NCSTN: variants seen among roughly 807,000 people sequenced by gnomAD.
NCSTN encodes anterior pharynx-defective 2.
In NCSTN, 22 loss-of-function variants were observed where a neutral mutation model predicts 87.0. The ratio of observed to expected loss-of-function variants is 0.25; its 90% CI spans 0.18 to 0.36. The LOEUF is 0.36. NCSTN is among the 10% of genes least tolerant of loss of function. The pLI, the probability that NCSTN is intolerant of heterozygous loss-of-function variation, is 1.00. For synonymous variants in NCSTN, 306 were observed against 327.1 expected, an observed-to-expected ratio of 0.94 and a Z score of 0.69; for missense variants, 693 against 883.3, an observed-to-expected ratio of 0.78 and a Z score of 2.73.
Position 160,356,359 on chromosome 1 carries a change from G to A in NCSTN, c.1639+12G>A, listed in dbSNP as rs1048237763. The A allele has an allele frequency of 1.3e-6, 2 of 1,585,172 alleles. No homozygotes were observed. The highest frequency in any genetic ancestry group is 1.7e-6 in the Non-Finnish European group (2 of 1,153,580). On this transcript the variant is annotated intron_variant, in intron 14 of 16. Coordinates refer to ENST00000294785, the MANE Select transcript of NCSTN (RefSeq NM_015331.3). ...AAGGTCCTACTTGGGTAAGCATCTG[G>A]TGTGGGAATGGGACCCTTAGCTGAG... is the stretch of plus-strand genomic sequence containing the variant.
intron 4 of NCSTN, 22 bp from the exon 5 acceptor site, chr1:160,350,082 CT>C (rs779723148): frequency 9.9e-6 from 16 of 1,613,112 alleles, no homozygotes; most frequent in East Asian, 2.2e-5. Context: ...ACCAGTCCCC[CT>C]ATTCCCCATC....
At chr1:160,351,179 T>A in intron 5 of NCSTN, 43 bp from the exon 6 acceptor site, 1 of 1,611,346 alleles carries the variant, frequency 6.2e-7, no homozygotes, top group Non-Finnish European at 8.5e-7. Context: ...AGGGAGGGCC[T>A]CCACAAACTA....
chr1:160,343,788 A>G (rs766945243), intron 1 of NCSTN: 1 of 628,458 alleles, frequency 1.6e-6, no homozygotes, highest in South Asian at 1.5e-5. Flanking sequence ...CCCACCCCAC[A>G]GTCGAAAGGA....
chr1:160,355,188 A>G (rs1030567236), intron 11 of NCSTN, among the ~76,000 whole-genome samples: 6 of 152,192 alleles, frequency 3.9e-5, no homozygotes, highest in African/African-American at 1.2e-4. Context: ...AAGGATCATC[A>G]TGGTGATTTT....
chr1:160,346,511 T>G (rs762388665), intron 2 of NCSTN, among the ~76,000 whole-genome samples: 7 of 152,220 alleles, frequency 4.6e-5, no homozygotes, highest in Non-Finnish European at 1.0e-4. Context: ...TGAGCTATAG[T>G]ATCTGTTAAT....
In NCSTN at chr1:160,349,651, G is replaced by T. The variant is rs1178436994; in HGVS notation, c.417G>T (p.Gln139His). 1 of 1,614,048 alleles carries T rather than the reference G, an allele frequency of 6.2e-7. No individual in the cohort carries two copies. The highest frequency in any genetic ancestry group is 8.5e-7 in the Non-Finnish European group (1 of 1,180,024). ...SPASGFSPSV[Q>H]CPNDGFGVYS... The stretch of plus-strand genomic sequence containing the variant: ...CCTCAGGCTTCTCTCCTAGTGTACA[G>T]TGCCCAAATGATGGGTTTGGTAAGT... Residue 139 changes from glutamine to histidine, a missense_variant, in exon 4 of 17, where the codon CAG becomes CAT. Gln to His is a conservative substitution (Grantham distance 24). Around this residue, in one of 4 missense-constraint regions of NCSTN, gnomAD observed 235 missense variants for 233.9 expected, o/e 1.00. Transcript: ENST00000294785.
At position 160,354,253 on chromosome 1, in the gene NCSTN, G is replaced by C. The variant is rs144264818; in HGVS notation, c.1315G>C (p.Val439Leu). 1.9e-6 allele frequency: 3 copies of C among 1,614,042 alleles called. No homozygotes were observed. The African/African-American group carries it at 4.0e-5, about 22-fold the overall frequency. ...RFLRARNISG[V>L]VLADHSGAFH... is the part of the protein sequence containing the mutation. ...TCTTCGAGCTCGAAACATCTCTGGC[G>C]TTGTTCTGGCTGACCACTCTGGTGC... Residue 439 changes from valine to leucine, a missense_variant, in exon 11 of 17, where the codon GTT becomes CTT. Val to Leu is a conservative substitution (Grantham distance 32). Coordinates refer to ENST00000294785, the MANE Select transcript of NCSTN (RefSeq NM_015331.3).
intron 7 of NCSTN, 56 bp downstream of exon 7, chr1:160,351,861 G>T (rs1480247487): frequency 6.7e-7 from 1 of 1,488,310 alleles, no homozygotes; most frequent in African/African-American, 1.4e-5. Context: ...GAGCTGGTAG[G>T]CCCCGCTCTA....
Position 160,343,386 on chromosome 1 carries a change from A to G in NCSTN, c.-11A>G, listed in dbSNP as rs200377959. The G allele has an allele frequency of 1.5e-5, 24 of 1,612,934 alleles. No individual in the cohort carries two copies. Among genetic ancestry groups the G allele is most frequent in the Admixed American group, 5.0e-5 (3 of 59,928 alleles). ...AGCCGAACGGGGGCTTCCGCTCAGC[A>G]GAGAGGCAAGATGGCTACGGCAGGG... On this transcript the variant is annotated 5_prime_UTR_variant, in exon 1 of 17. Coordinates refer to ENST00000294785, the MANE Select transcript of NCSTN (RefSeq NM_015331.3).
At chr1:160,353,918 C>G (rs533832600) in intron 10 of NCSTN, among the ~76,000 whole-genome samples, 200 bp from the exon 11 acceptor site, 53 of 152,254 alleles carry the variant, frequency 3.5e-4, no homozygotes, top group African/African-American at 1.2e-3. Context: ...CCCCAATTTT[C>G]TAACTCTAAA....
At chr1:160,348,639 TGA>T (rs1362046737) in intron 2 of NCSTN, among the ~76,000 whole-genome samples, 1 of 152,256 alleles carries the variant, frequency 6.6e-6, no homozygotes, top group Non-Finnish European at 1.5e-5. Context: ...GCTAAAACCC[TGA>T]GCTAGAGATT....
Position 160,358,430 on chromosome 1 carries a change from A to G in NCSTN, c.*159A>G. 2.0e-6 allele frequency: 2 copies of G among 978,166 alleles called. No individual in the cohort carries two copies. Among genetic ancestry groups the G allele is most frequent in the Non-Finnish European group, 3.1e-6 (2 of 638,048 alleles). 60.6% of individuals were successfully genotyped at this position (978,166 alleles called of 1,614,324 possible). The stretch of plus-strand genomic sequence containing the variant: ...AACTATCCAAAAGAGACAGGGAGAA[A>G]TAAATAAATTGCCTCCCTTCCTCCG... On this transcript the variant is annotated 3_prime_UTR_variant, in exon 17 of 17. Transcript: ENST00000294785.
intron 5 of NCSTN, 62 bp from the exon 6 acceptor site, chr1:160,351,160 T>C (rs1648815099): frequency 2.5e-6 from 4 of 1,578,704 alleles, no homozygotes; most frequent in Non-Finnish European, 3.5e-6. Context: ...CTCCTCCTTC[T>C]GGGATGTAAG....
chr1:160,357,274 AG>A (rs773104515), intron 16 of NCSTN, 21 bp downstream of exon 16: 3 of 1,596,220 alleles, frequency 1.9e-6, no homozygotes, highest in Non-Finnish European at 2.6e-6. Flanking sequence ...GCAGGGGCAT[AG>A]GTGGCAGGGA....
At chr1:160,352,298 G>C in intron 8 of NCSTN, 92 bp downstream of exon 8, 5 of 1,513,018 alleles carry the variant, frequency 3.3e-6, no homozygotes, top group Non-Finnish European at 4.6e-6. Context: ...CTCAGCACTT[G>C]ACCTAAGTTG....
rs780011783 is a variant in NCSTN at position 160,356,247 on chromosome 1, G to A, written c.1552-13G>A. On this transcript the variant is annotated splice_polypyrimidine_tract_variant and intron_variant, in intron 13 of 16. Coordinates refer to ENST00000294785, the MANE Select transcript of NCSTN (RefSeq NM_015331.3). ...AGTCACAGGGTTTTCTCTCTTTACT[G>A]TTCCAATCCTAGGTTACCCGCCTGC... is the stretch of plus-strand genomic sequence containing the variant. The A allele has an allele frequency of 1.3e-6, 2 of 1,593,796 alleles. No homozygotes were observed. The highest frequency in any genetic ancestry group is 1.1e-5 in the South Asian group (1 of 90,690).
intron 2 of NCSTN, 70 bp from the exon 3 acceptor site, chr1:160,348,929 C>T: frequency 6.2e-7 from 1 of 1,603,672 alleles, no homozygotes; most frequent in East Asian, 2.2e-5. Context: ...AAAAGATACG[C>T]AGAATCAGTG....
At chr1:160,345,482 C>T (rs965223048) in intron 2 of NCSTN, among the ~76,000 whole-genome samples, 53 of 151,958 alleles carry the variant, frequency 3.5e-4, no homozygotes, top group Admixed American at 9.2e-4. Context: ...CGTGAGCCAC[C>T]GCACCCAGCC....
rs1648695828 is a variant in NCSTN at position 160,349,208 on chromosome 1, C to T, written c.314+86C>T. 13 of 1,556,600 alleles carry T rather than the reference C, an allele frequency of 8.4e-6. 1 individual carries two copies. The South Asian group carries it at 1.4e-4, about 16-fold the overall frequency. Reference sequence around the variant, plus strand: ...CCTCACACTTATTAGTGAAAACTTCCCTTGGCTGCCCTGGTCTGGTCAGGG... The same window carrying T: ...CCTCACACTTATTAGTGAAAACTTCTCTTGGCTGCCCTGGTCTGGTCAGGG... On this transcript the variant is annotated intron_variant, in intron 3 of 16. Transcript: ENST00000294785.
Sources: gnomAD v4.1 joint callset for allele counts (sites outside exome capture counted in the v4.1 genomes callset) on GRCh38, gnomAD v4.1.1 for gene constraint, gnomAD v4.1.1 regional missense constraint, MANE v1.5 for transcripts, NCBI Gene and HGNC (gene_info 2026-07-23, HGNC 2026-07-21) for gene names.